The following NEK11 variants were observed in gnomAD, a reference collection of about 807,000 sequenced individuals.
NEK11 encodes NIMA related kinase 11, also known as serine/threonine-protein kinase Nek11.
In NEK11, 72 loss-of-function variants were observed where a neutral mutation model predicts 80.7. That is an observed-to-expected ratio of 0.89 (90% CI 0.74 to 1.08). NEK11 has a LOEUF of 1.08. Ranked by LOEUF, NEK11 falls within the 50% of genes least tolerant of loss-of-function variation. The pLI is 0.00. For synonymous variants in NEK11, 251 were observed against 260.7 expected (o/e 0.96, Z 0.36); for missense variants, 764 against 763.6 (o/e 1.00, Z -0.01).
chr3:131,206,291 A>G (rs1360985878), intron 14 of NEK11, among the ~76,000 whole-genome samples: 1 of 152,264 alleles, frequency 6.6e-6, no homozygotes, highest in Non-Finnish European at 1.5e-5. Context: ...ACAGTTTACC[A>G]TGAATACTTA....
At chr3:131,038,928 T>G (rs945759226) in intron 3 of NEK11, among the ~76,000 whole-genome samples, 2 of 152,226 alleles carry the variant, frequency 1.3e-5, no homozygotes, top group African/African-American at 4.8e-5. Flanking sequence ...GGAATAGCAT[T>G]CTTCATTTAA....
intron 5 of NEK11, among the ~76,000 whole-genome samples, chr3:131,124,854 C>T (rs370600224): frequency 6.6e-6 from 1 of 152,096 alleles, no homozygotes; most frequent in African/African-American, 2.4e-5. Flanking sequence ...TTTATAGAGT[C>T]AAAGAGACCT....
At chr3:131,278,988 GA>G (rs1445335525) in intron 17 of NEK11, among the ~76,000 whole-genome samples, 1 of 151,978 alleles carries the variant, frequency 6.6e-6, no homozygotes, top group African/African-American at 2.4e-5. Context: ...ACCAGAATGT[GA>G]GTTGGAATCA....
At chr3:131,099,724 G>A (rs2078076744) in intron 4 of NEK11, among the ~76,000 whole-genome samples, 2 of 152,076 alleles carry the variant, frequency 1.3e-5, no homozygotes, top group African/African-American at 4.8e-5. Flanking sequence ...CATTTTCTTT[G>A]TGGCTATTTT....
intron 17 of NEK11, among the ~76,000 whole-genome samples, chr3:131,331,900 C>A (rs541480669): frequency 5.9e-5 from 9 of 152,284 alleles, no homozygotes; most frequent in East Asian, 3.9e-4. Context: ...AAGGCGGCAG[C>A]GAGGCTGGGG....
rs563119168 is a variant in NEK11 at position 131,273,679 on chromosome 3, G to A, written c.1718+105G>A. On this transcript the variant is annotated intron_variant, in intron 17 of 17. Transcript: ENST00000383366. ...ACTGTCTTAGTCCATTTGTGCTGCC[G>A]TGACAAAATACCTGGGACTAAGCTG... 1.5e-4 allele frequency: 123 copies of A among 808,262 alleles called. 1 individual carries two copies. In the South Asian group the frequency reaches 1.8e-3, roughly 12 times the overall value. The allele number at this position is 808,262 out of a possible 1,614,324, so 50.1% of individuals were successfully genotyped here.
rs1280320898 is a variant in NEK11, at chr3:131,189,336, CATAGACTAGGTGGCTTATA to C, written c.1399+18451_1399+18469del. Reference sequence around the variant, plus strand: ...TGTTCAGGCTGTTGTAACAAAATACCATAGACTAGGTGGCTTATAAACAACAGAAATTTATTTATTACCA... The same window carrying C: ...TGTTCAGGCTGTTGTAACAAAATACCAACAACAGAAATTTATTTATTACCA... On this transcript the variant is annotated intron_variant, in intron 14 of 17. Coordinates refer to ENST00000383366, the MANE Select transcript of NEK11 (RefSeq NM_024800.5). Among the ~76,000 whole-genome samples, 5 of 152,174 alleles carry C rather than the reference CATAGACTAGGTGGCTTATA, an allele frequency of 3.3e-5. No individual in the cohort carries two copies. In the East Asian group the frequency reaches 9.6e-4, roughly 29 times the overall value.
chr3:131,135,457 G>A (rs1194706321), intron 7 of NEK11, among the ~76,000 whole-genome samples: 1 of 152,092 alleles, frequency 6.6e-6, no homozygotes, highest in Non-Finnish European at 1.5e-5. Context: ...TAACTAATGA[G>A]TTCCTTTAAA....
Position 131,131,562 on chromosome 3 carries a change from G to A in NEK11, c.456-1183G>A, listed in dbSNP as rs143455783. 2.0e-3 allele frequency among the ~76,000 whole-genome samples: 307 copies of A among 152,060 alleles called. 2 individuals carry two copies. Among genetic ancestry groups the A allele is most frequent in the African/African-American group, 5.8e-3 (240 of 41,530 alleles). Reference sequence around the variant, plus strand: ...TAATGTCCACGGAATCTGTAGTGACGCCCTCTCTTTCATTTTTGATTTTAA... The same window carrying A: ...TAATGTCCACGGAATCTGTAGTGACACCCTCTCTTTCATTTTTGATTTTAA... On this transcript the variant is annotated intron_variant, in intron 5 of 17. Transcript: ENST00000383366.
intron 17 of NEK11, chr3:131,327,757 A>G (rs868638460): frequency 5.5e-4 from 83 of 150,916 alleles, no homozygotes; most frequent in Middle Eastern, 6.9e-3. Flanking sequence ...AAAAAAAAAA[A>G]AGGGGCGGGG....
At chr3:131,168,524 T>C (rs1245329575) in intron 12 of NEK11, among the ~76,000 whole-genome samples, 3 of 150,984 alleles carry the variant, frequency 2.0e-5, no homozygotes, top group African/African-American at 7.3e-5. Flanking sequence ...GCCCGGCTAA[T>C]TTTTTGTATT....
At chr3:131,131,807 A>G (rs911136493) in intron 5 of NEK11, among the ~76,000 whole-genome samples, 3 of 151,578 alleles carry the variant, frequency 2.0e-5, no homozygotes, top group African/African-American at 7.3e-5. Context: ...CTGATTTTAG[A>G]TCTTTCTTTT....
intron 3 of NEK11, among the ~76,000 whole-genome samples, chr3:131,036,474 A>G (rs1393811797): frequency 6.6e-6 from 1 of 152,232 alleles, no homozygotes; most frequent in Non-Finnish European, 1.5e-5. Flanking sequence ...AAATATCTCA[A>G]CTGGAGATAA....
chr3:131,312,601 A>T (rs1289201678), intron 17 of NEK11, among the ~76,000 whole-genome samples: 4 of 152,226 alleles, frequency 2.6e-5, no homozygotes, highest in African/African-American at 4.8e-5. Flanking sequence ...TTTAGAAGAC[A>T]CTTAATATTT....
intron 7 of NEK11, among the ~76,000 whole-genome samples, chr3:131,144,719 T>C (rs1330392930): frequency 6.6e-6 from 1 of 152,152 alleles, no homozygotes. Flanking sequence ...ATTGTCCAAG[T>C]TTCAGTTACT....
At chr3:131,200,821 T>A (rs1033550660) in intron 14 of NEK11, among the ~76,000 whole-genome samples, 2 of 152,240 alleles carry the variant, frequency 1.3e-5, no homozygotes, top group African/African-American at 4.8e-5. Context: ...ATTAAAGCCT[T>A]CTTCCTTGGT....
At chr3:131,140,964 C>A (rs2086761294) in intron 7 of NEK11, among the ~76,000 whole-genome samples, 2 of 152,138 alleles carry the variant, frequency 1.3e-5, no homozygotes, top group Non-Finnish European at 2.9e-5. Context: ...GGAGCTCATA[C>A]CAGCTCATAA....
chr3:131,240,330 C>T (rs1046593550), intron 15 of NEK11, among the ~76,000 whole-genome samples: 2 of 152,120 alleles, frequency 1.3e-5, no homozygotes, highest in Non-Finnish European at 2.9e-5. Flanking sequence ...AACCTCTTTC[C>T]TACCTTGCTG....
At chr3:131,255,050 G>GAGAGACAGACAGAC (rs1222083767) in intron 16 of NEK11, among the ~76,000 whole-genome samples, 1 of 132,634 alleles carries the variant, frequency 7.5e-6, no homozygotes, top group Non-Finnish European at 1.6e-5. Flanking sequence ...GAGAGAGAGA[G>GAGAGACAGACAGAC]AGACAGACAG....
Sources: allele counts gnomAD v4.1 joint callset (sites outside exome capture counted in the v4.1 genomes callset), GRCh38; gene constraint gnomAD v4.1.1; transcripts MANE v1.5; gene names NCBI Gene and HGNC (gene_info 2026-07-23, HGNC 2026-07-21).